NAA25: variants seen among roughly 807,000 people sequenced by gnomAD.
NAA25 encodes N-alpha-acetyltransferase 25, NatB auxiliary subunit.
A neutral mutation model predicts 132.5 loss-of-function variants in NAA25; 30 were observed. That is an observed-to-expected ratio of 0.23 (90% CI 0.17 to 0.31). The LOEUF (loss-of-function observed/expected upper bound fraction) is 0.31. Ranked by LOEUF, NAA25 falls within the 10% of genes least tolerant of loss-of-function variation. NAA25 has a pLI of 1.00. For synonymous variants in NAA25, 359 were observed against 401.9 expected (o/e 0.89, Z 1.28); for missense variants, 771 against 1,150.4 (o/e 0.67, Z 4.77).
chr12:112,099,130 G>C (rs1011495485), intron 1 of NAA25, among the ~76,000 whole-genome samples: 25 of 151,928 alleles, frequency 1.6e-4, no homozygotes, highest in Non-Finnish European at 3.5e-4. Flanking sequence ...GGGACTACAG[G>C]TGCGCACCAC....
chr12:112,062,234 TA>T (rs1294175437), intron 11 of NAA25, among the ~76,000 whole-genome samples: 1 of 151,786 alleles, frequency 6.6e-6, no homozygotes, highest in East Asian at 1.9e-4. Flanking sequence ...CCATCTCTAC[TA>T]AAAATACACA....
intron 13 of NAA25, among the ~76,000 whole-genome samples, chr12:112,056,429 T>G (rs1391403767): frequency 6.6e-6 from 1 of 152,082 alleles, no homozygotes; most frequent in Non-Finnish European, 1.5e-5. Context: ...TGGTGGCATG[T>G]GCCTATACTC....
rs750660093 is a variant in NAA25, at chr12:112,053,543, T to C, written c.1728+15A>G. The C allele has an allele frequency of 3.8e-6, 6 of 1,570,202 alleles. No individual in the cohort carries two copies. The highest frequency in any genetic ancestry group is 3.4e-5 in the Admixed American group (2 of 58,406). ...AGCAGACAAGATCACAGTTAAAAAA[T>C]AGTTTTTCACTTACATCTTTCTGGT... On this transcript the variant is annotated intron_variant, in intron 15 of 23. Transcript: ENST00000261745.
intron 17 of NAA25, 87 bp downstream of exon 17, chr12:112,047,578 C>T: frequency 2.0e-6 from 3 of 1,471,200 alleles, no homozygotes; most frequent in East Asian, 2.3e-5. Context: ...GAGTTCGAAG[C>T]TGCAGTGAGC....
At chr12:112,075,579 T>C in intron 8 of NAA25, 99 bp downstream of exon 8, 1 of 952,276 alleles carries the variant, frequency 1.1e-6, no homozygotes, top group Non-Finnish European at 1.6e-6. Flanking sequence ...AAGAAGACTT[T>C]ATGCCCAGAA....
Position 112,028,619 on chromosome 12 carries a change from C to A in NAA25, c.*912G>T, listed in dbSNP as rs2136789231. The A allele has an allele frequency of 6.6e-6, 1 of 152,000 alleles. No individual in the cohort carries two copies. Among genetic ancestry groups the A allele is most frequent in the East Asian group, 1.9e-4 (1 of 5,174 alleles). The allele number at this position is 152,000 out of a possible 1,614,324, so 9.4% of individuals were successfully genotyped here. ...AAGTATTAAATCTTAATTTTCAAGT[C>A]ATATATATATGTGTATATATATATA... On this transcript the variant is annotated 3_prime_UTR_variant, in exon 24 of 24. Transcript: ENST00000261745.
At chr12:112,107,606 G>A (rs927473858) in intron 1 of NAA25, among the ~76,000 whole-genome samples, 9 of 151,952 alleles carry the variant, frequency 5.9e-5, no homozygotes, top group Admixed American at 4.6e-4. Flanking sequence ...AATAAAAGCC[G>A]GACTAACTGT....
intron 13 of NAA25, among the ~76,000 whole-genome samples, chr12:112,057,235 T>C (rs746581896): frequency 2.0e-5 from 3 of 152,058 alleles, no homozygotes; most frequent in Non-Finnish European, 4.4e-5. Flanking sequence ...TAAAATAAAA[T>C]AAAATAGTTT....
At chr12:112,108,427 C>A (rs2079397063) in intron 1 of NAA25, among the ~76,000 whole-genome samples, 1 of 152,216 alleles carries the variant, frequency 6.6e-6, no homozygotes, top group Admixed American at 6.5e-5. Flanking sequence ...ATGCAGCCTG[C>A]GGGTAGCGCA....
intron 4 of NAA25, among the ~76,000 whole-genome samples, chr12:112,083,963 G>T (rs542649594): frequency 6.6e-6 from 1 of 152,148 alleles, no homozygotes; most frequent in African/African-American, 2.4e-5. Context: ...GACATACAGA[G>T]ATAAAAATAT....
intron 2 of NAA25, among the ~76,000 whole-genome samples, chr12:112,091,869 T>C (rs1487843054): frequency 6.6e-6 from 1 of 152,080 alleles, no homozygotes; most frequent in Non-Finnish European, 1.5e-5. Context: ...AAAAAAGAAG[T>C]GCACAATATT....
intron 4 of NAA25, among the ~76,000 whole-genome samples, chr12:112,084,726 G>A (rs907033061): frequency 2.6e-5 from 4 of 152,110 alleles, no homozygotes; most frequent in African/African-American, 4.8e-5. Flanking sequence ...CTGGGAGGTG[G>A]AGGTTGCAGT....
At chr12:112,057,736 A>T (rs1180090665) in intron 13 of NAA25, among the ~76,000 whole-genome samples, 1 of 152,216 alleles carries the variant, frequency 6.6e-6, no homozygotes, top group African/African-American at 2.4e-5. Flanking sequence ...CACGCCTATA[A>T]TCCCAGCACT....
chr12:112,039,469 A>C (rs1039120084), intron 21 of NAA25, 130 bp from the exon 22 acceptor site: 5 of 580,290 alleles, frequency 8.6e-6, no homozygotes, highest in Non-Finnish European at 1.5e-5. Context: ...TCTCATGTGA[A>C]TCTCCACTCT....
At chr12:112,057,279 TC>T (rs1291097506) in intron 13 of NAA25, among the ~76,000 whole-genome samples, 1 of 152,190 alleles carries the variant, frequency 6.6e-6, no homozygotes, top group Non-Finnish European at 1.5e-5. Context: ...TGCCTAATAA[TC>T]AACTGTCAGT....
chr12:112,106,339 A>G (rs1343666983), intron 1 of NAA25, among the ~76,000 whole-genome samples: 1 of 152,162 alleles, frequency 6.6e-6, no homozygotes, highest in South Asian at 2.1e-4. Context: ...TTGGTCCTCA[A>G]GAACAATTTT....
rs78833544 is a variant in NAA25 at position 112,108,379 on chromosome 12, C to T, written c.58+337G>A. Among the ~76,000 whole-genome samples the T allele has an allele frequency of 0.055, 8,446 of 152,324 alleles. 1,300 individuals are homozygous for T. In the East Asian group the frequency reaches 0.61, roughly 11 times the overall value. On this transcript the variant is annotated intron_variant, in intron 1 of 23. Transcript: ENST00000261745. The stretch of plus-strand genomic sequence containing the variant: ...TCGTGCCGGAGCCGGCTTCCACCTT[C>T]GGGGAGATCTCCGGTCTCCCTAGGA...
intron 22 of NAA25, among the ~76,000 whole-genome samples, chr12:112,036,876 C>CGTGT (rs146916262): frequency 2.0e-5 from 3 of 148,290 alleles, no homozygotes; most frequent in East Asian, 2.0e-4. Flanking sequence ...ACTGTGTGTG[C>CGTGT]GTGTGTGTGT....
In NAA25 at chr12:112,078,754, A is replaced by G; in HGVS notation, c.478-13T>C. The G allele has an allele frequency of 6.3e-6, 10 of 1,596,720 alleles. No homozygotes were observed. The highest frequency in any genetic ancestry group is 8.6e-6 in the Non-Finnish European group (10 of 1,165,516). On this transcript the variant is annotated splice_polypyrimidine_tract_variant and intron_variant, in intron 5 of 23. Transcript: ENST00000261745. ...GTGCCGATATAGACTGAAAGAAGAA[A>G]AATAATGTTTCATTCTAATTCTCCC...
Sources: allele counts gnomAD v4.1 joint callset (sites outside exome capture counted in the v4.1 genomes callset), GRCh38; gene constraint gnomAD v4.1.1; transcripts MANE v1.5; gene names NCBI Gene and HGNC (gene_info 2026-07-23, HGNC 2026-07-21).